Variants in TXNRD1 observed in about 807,000 individuals in gnomAD.
TXNRD1 encodes the protein thioredoxin reductase 1, cytoplasmic.
In TXNRD1, 57 loss-of-function variants were observed where a neutral mutation model predicts 80.3. The observed-to-expected ratio is 0.71, with a 90% CI of 0.57 to 0.89. TXNRD1 has a LOEUF of 0.89. Among genes scored for constraint, TXNRD1 ranks in the 40% least tolerant of loss-of-function variants. TXNRD1 has a pLI of 0.00. For synonymous variants in TXNRD1, 291 were observed against 285.2 expected (o/e 1.02, Z -0.20); for missense variants, 730 against 803.0 (o/e 0.91, Z 1.10).
intron 15 of TXNRD1, 59 bp from the exon 16 acceptor site, chr12:104,339,080 A>G (rs1372139458): frequency 6.3e-7 from 1 of 1,598,776 alleles, no homozygotes; most frequent in East Asian, 2.2e-5. Context: ...TAAGCTGTGT[A>G]GGAAGAGGAG....
In TXNRD1 at chr12:104,321,155, G is replaced by A. The variant is rs911137254; in HGVS notation, c.1054G>A (p.Ala352Thr). 4 of 1,611,354 alleles carry A rather than the reference G, an allele frequency of 2.5e-6. No individual in the cohort carries two copies. Among genetic ancestry groups the A allele is most frequent in the South Asian group, 2.2e-5 (2 of 91,012 alleles). Residue 352 changes from alanine (A) to threonine (T), a missense_variant, in exon 10 of 17, where the codon GCT becomes ACT. By Grantham distance (58) the Ala-to-Thr change is moderately conservative. Coordinates refer to ENST00000525566, the MANE Select transcript of TXNRD1 (RefSeq NM_001093771.3). Reference protein sequence around the residue: ...KTLVVGASYVALECAGFLAGI... With the variant: ...KTLVVGASYVTLECAGFLAGI... ...CCTGGTTGTTGGAGCATCCTATGTCGCTTTGGAGTGCGCTGGATTTCTTGC... is the reference window on the plus strand; with the variant it reads ...CCTGGTTGTTGGAGCATCCTATGTCACTTTGGAGTGCGCTGGATTTCTTGC...
At chr12:104,267,651 T>TTCCTTCTTTC (rs1565870003) in intron 3 of TXNRD1, among the ~76,000 whole-genome samples, 1 of 20,626 alleles carries the variant, frequency 4.8e-5, no homozygotes, top group Non-Finnish European at 8.8e-5. Flanking sequence ...GATGGTATCT[T>TTCCTTCTTTC]TCTTTCTTTC....
chr12:104,311,562 G>A, intron 5 of TXNRD1, 150 bp downstream of exon 5: 3 of 909,548 alleles, frequency 3.3e-6, no homozygotes, highest in East Asian at 2.7e-5. Flanking sequence ...CATGGACATC[G>A]TAAGGGACCA....
intron 1 of TXNRD1, among the ~76,000 whole-genome samples, chr12:104,243,197 A>T (rs2032911706): frequency 6.6e-6 from 1 of 152,210 alleles, no homozygotes; most frequent in South Asian, 2.1e-4. Flanking sequence ...AATAATACTA[A>T]TAACTACAAT....
chr12:104,339,165 G>A lies in TXNRD1; in HGVS notation c.1773G>A (p.Leu591=). The A allele has an allele frequency of 6.2e-7, 1 of 1,613,840 alleles. No homozygotes were observed. Among genetic ancestry groups the A allele is most frequent in the Non-Finnish European group, 8.5e-7 (1 of 1,179,864 alleles). Residue 591 remains leucine, a synonymous_variant, in exon 16 of 17, where the codon CTG becomes CTA. Transcript: ENST00000525566. ...DNERVVGFHV[L]GPNAGEVTQG... is the part of the protein sequence containing the mutation. ...AACGTGTTGTGGGCTTTCACGTACT[G>A]GGTCCAAATGCTGGAGAAGTTACAC...
In TXNRD1 at chr12:104,247,146, C is replaced by A. The variant is rs938640754; in HGVS notation, c.92-4381C>A. 5.9e-5 allele frequency among the ~76,000 whole-genome samples: 9 copies of A among 152,146 alleles called. 1 individual carries two copies. Among genetic ancestry groups the A allele is most frequent in the Admixed American group, 5.9e-4 (9 of 15,258 alleles). On this transcript the variant is annotated intron_variant, in intron 1 of 16. Transcript: ENST00000525566. ...GCAATGGCGCAACCTCAGCTCACTG[C>A]AAACTATGCCTCCCGGGTTCAAGTG... is the stretch of plus-strand genomic sequence containing the variant.
chr12:104,236,917 T>C (rs1565856580), intron 1 of TXNRD1, among the ~76,000 whole-genome samples: 1 of 152,126 alleles, frequency 6.6e-6, no homozygotes, highest in African/African-American at 2.4e-5. Context: ...GTTGACTGAA[T>C]TATTTTTCTC....
intron 6 of TXNRD1, among the ~76,000 whole-genome samples, chr12:104,313,962 GA>G (rs2035229252): frequency 6.6e-6 from 1 of 152,226 alleles, no homozygotes; most frequent in African/African-American, 2.4e-5. Context: ...GACATCTGAA[GA>G]GGTGACATTT....
intron 3 of TXNRD1, among the ~76,000 whole-genome samples, chr12:104,267,657 CTTTCTTTCTTTCTTTCT>C (rs1565870034): frequency 1.6e-4 from 5 of 31,240 alleles, no homozygotes; most frequent in African/African-American, 6.1e-4. Context: ...ATCTTTCTTT[CTTTCTTTCTTTCTTTCT>C]TTCTTTCTTT....
chr12:104,316,731 G>A (rs2035340619), intron 7 of TXNRD1, among the ~76,000 whole-genome samples: 1 of 152,148 alleles, frequency 6.6e-6, no homozygotes, highest in South Asian at 2.1e-4. Flanking sequence ...TTTAGTAGAA[G>A]AATAAAATGA....
intron 3 of TXNRD1, among the ~76,000 whole-genome samples, chr12:104,272,517 C>T (rs1018113084): frequency 1.1e-4 from 16 of 151,972 alleles, no homozygotes; most frequent in East Asian, 3.9e-4. Flanking sequence ...GCAAAAGTCC[C>T]GGCGCTGTGG....
chr12:104,250,097 G>A (rs764456077), intron 1 of TXNRD1, among the ~76,000 whole-genome samples: 43 of 152,172 alleles, frequency 2.8e-4, no homozygotes, highest in Middle Eastern at 3.4e-3. Flanking sequence ...AAGCATGGGC[G>A]CTACCTTTAC....
At chr12:104,293,551 A>G (rs2034304207) in intron 4 of TXNRD1, among the ~76,000 whole-genome samples, 1 of 152,080 alleles carries the variant, frequency 6.6e-6, no homozygotes, top group Non-Finnish European at 1.5e-5. Context: ...CCTGGGCTTA[A>G]CCCATCCTCC....
At chr12:104,246,109 G>A (rs2032984075) in intron 1 of TXNRD1, among the ~76,000 whole-genome samples, 1 of 103,402 alleles carries the variant, frequency 9.7e-6, no homozygotes, top group South Asian at 3.8e-4. Flanking sequence ...GATACAGCGA[G>A]ACTCTGTCTC....
chr12:104,245,517 C>CAAAAAAAAAAA lies in TXNRD1; in HGVS notation c.92-5995_92-5985dup, dbSNP rs10622971. ...GGGCAACAAGAGCGAAACTCCATCT[C>CAAAAAAAAAAA]AAAAAAAAAAAAAAAAAAAAAAAAA... On this transcript the variant is annotated intron_variant, in intron 1 of 16. Coordinates refer to ENST00000525566, the MANE Select transcript of TXNRD1 (RefSeq NM_001093771.3). Among the ~76,000 whole-genome samples the CAAAAAAAAAAA allele has an allele frequency of 2.0e-3, 59 of 29,256 alleles. 11 individuals carry two copies. Among genetic ancestry groups the CAAAAAAAAAAA allele is most frequent in the East Asian group, 0.01 (6 of 584 alleles). 19.2% of individuals were successfully genotyped at this position (29,256 alleles called of 152,430 possible).
chr12:104,244,003 A>G (rs1474345948), intron 1 of TXNRD1, among the ~76,000 whole-genome samples: 2 of 152,112 alleles, frequency 1.3e-5, no homozygotes, highest in Non-Finnish European at 2.9e-5. Context: ...ATTTCATGCT[A>G]CCTTTCTGTT....
intron 4 of TXNRD1, among the ~76,000 whole-genome samples, chr12:104,305,705 GAGA>G (rs1349979615): frequency 9.2e-5 from 14 of 152,176 alleles, no homozygotes; most frequent in Admixed American, 2.6e-4. Flanking sequence ...TTAATATCCT[GAGA>G]AGATGTTTTT....
At chr12:104,258,347 G>A (rs919509016) in intron 3 of TXNRD1, 1 of 312,206 alleles carries the variant, frequency 3.2e-6, no homozygotes, top group Non-Finnish European at 5.8e-6. Flanking sequence ...TCTAGTTACA[G>A]ATACAGTATT....
At chr12:104,339,077 T>C in intron 15 of TXNRD1, 62 bp from the exon 16 acceptor site, 2 of 1,595,826 alleles carry the variant, frequency 1.3e-6, no homozygotes, top group Non-Finnish European at 1.7e-6. Context: ...CTCTAAGCTG[T>C]GTAGGAAGAG....
Sources: gnomAD v4.1 joint callset for allele counts (sites outside exome capture counted in the v4.1 genomes callset) on GRCh38, gnomAD v4.1.1 for gene constraint, MANE v1.5 for transcripts, NCBI Gene and HGNC (gene_info 2026-07-23, HGNC 2026-07-21) for gene names.